The following IGSF5 variants were observed in gnomAD, a reference collection of about 807,000 sequenced individuals.
IGSF5 encodes immunoglobulin superfamily 5 like.
In IGSF5, 41 loss-of-function variants were observed where a neutral mutation model predicts 39.4. The observed-to-expected ratio is 1.04, with a 90% CI of 0.81 to 1.35. The LOEUF (loss-of-function observed/expected upper bound fraction) is 1.35, where lower values mean the gene tolerates loss of function less well. Ranked by LOEUF, IGSF5 falls within the 40% of genes most tolerant of loss-of-function variation. IGSF5 has a pLI of 0.00. For synonymous variants in IGSF5, 183 were observed against 175.3 expected (o/e 1.04, Z -0.34); for missense variants, 487 against 494.6 (o/e 0.98, Z 0.15).
chr21:39,725,761 A>G, the IGSF5 span: 2 of 152,228 alleles, frequency 1.3e-5, no homozygotes, highest in African/African-American at 4.8e-5. Context: ...CATCATGCTC[A>G]TAATTATACG....
At position 39,770,981 on chromosome 21, in the gene IGSF5, AC is replaced by A; in HGVS notation, c.485del (p.Thr162IlefsTer39). 4 of 1,612,218 alleles carry A rather than the reference AC, an allele frequency of 2.5e-6. No individual in the cohort carries two copies. The highest frequency in any genetic ancestry group is 3.4e-6 in the Non-Finnish European group (4 of 1,179,122). On this transcript the variant is annotated frameshift_variant, in exon 4 of 9. Coordinates refer to ENST00000380588, the MANE Select transcript of IGSF5 (RefSeq NM_001080444.2). LOFTEE classifies it high-confidence loss of function. ...VVAENEPCEV[T>X]CLPSHWTRLP... is the part of the protein sequence containing the mutation. ...CGCTGAGAATGAACCTTGTGAAGTTACTTGTCTACCCTCACACTGGACCCGG... is the reference window on the plus strand; with the variant it reads ...CGCTGAGAATGAACCTTGTGAAGTTATTGTCTACCCTCACACTGGACCCGG...
chr21:39,756,264 A>G (rs1404961187), intron 2 of IGSF5, among the ~76,000 whole-genome samples: 1 of 152,246 alleles, frequency 6.6e-6, no homozygotes, highest in African/African-American at 2.4e-5. Flanking sequence ...TAAATGCTAA[A>G]TGCAGGTCAT....
intron 6 of IGSF5, chr21:39,791,756 T>C: frequency 2.6e-6 from 1 of 378,198 alleles, no homozygotes. Flanking sequence ...TTCTGAGAGT[T>C]GAGTAACAAC....
the IGSF5 span, among the ~76,000 whole-genome samples, chr21:39,732,043 A>G: frequency 3.9e-5 from 6 of 152,124 alleles, no homozygotes; most frequent in Non-Finnish European, 8.8e-5. Context: ...GGTCCATGTC[A>G]AAGAGAGTAA....
the IGSF5 span, chr21:39,727,778 C>T: frequency 6.6e-6 from 1 of 152,250 alleles, no homozygotes; most frequent in Admixed American, 6.5e-5. Flanking sequence ...GCTGCAGACC[C>T]ATGTGGTGCT....
chr21:39,726,685 A>T, the IGSF5 span, among the ~76,000 whole-genome samples: 3 of 152,202 alleles, frequency 2.0e-5, no homozygotes, highest in African/African-American at 7.2e-5. Flanking sequence ...CTTCAATTGC[A>T]GCTGGAGGTG....
At chr21:39,720,394 A>G in the IGSF5 span, among the ~76,000 whole-genome samples, 1 of 152,186 alleles carries the variant, frequency 6.6e-6, no homozygotes, top group Non-Finnish European at 1.5e-5. Context: ...GCCACAGACC[A>G]GGACCAGTTT....
In IGSF5 at chr21:39,788,174, T is replaced by C. The variant is rs2146292054; in HGVS notation, c.942T>C (p.Arg314=). ...TTTTGTTCTTTTTTGCAGGATTTCG[T>C]ATTCAATTTCAAAAGTAAGTTTGAA... ...CFCCRRKRGF[R]IQFQKKSEKE... Residue 314 remains arginine, a synonymous_variant, in exon 6 of 9, where the codon CGT becomes CGC. Transcript: ENST00000380588. 6.3e-7 allele frequency: 1 copy of C among 1,593,256 alleles called. No homozygotes were observed. The highest frequency in any genetic ancestry group is 8.6e-7 in the Non-Finnish European group (1 of 1,164,900).
At chr21:39,756,610 C>T (rs1385239903) in intron 2 of IGSF5, among the ~76,000 whole-genome samples, 3 of 151,670 alleles carry the variant, frequency 2.0e-5, no homozygotes, top group African/African-American at 7.3e-5. Flanking sequence ...GAGAACCGTC[C>T]GGGTCACTGG....
intron 8 of IGSF5, among the ~76,000 whole-genome samples, chr21:39,800,968 A>C (rs1462672552): frequency 3.9e-5 from 6 of 152,270 alleles, no homozygotes; most frequent in Non-Finnish European, 8.8e-5. Context: ...GTAAAGCAAG[A>C]ACTTCCTTAG....
At chr21:39,741,770 A>T (rs1395322830), upstream of IGSF5, among the ~76,000 whole-genome samples, 1 of 152,154 alleles carries the variant, frequency 6.6e-6, no homozygotes, top group African/African-American at 2.4e-5. Context: ...AGAAAAAGGC[A>T]TCCTTAAGAT....
intron 2 of IGSF5, among the ~76,000 whole-genome samples, chr21:39,753,021 T>G (rs1033996415): frequency 6.6e-6 from 1 of 152,130 alleles, no homozygotes; most frequent in Non-Finnish European, 1.5e-5. Flanking sequence ...CCTATTTATT[T>G]AGTTTTTGCA....
At chr21:39,752,559 T>A (rs1397482421) in intron 2 of IGSF5, among the ~76,000 whole-genome samples, 1 of 152,252 alleles carries the variant, frequency 6.6e-6, no homozygotes, top group East Asian at 1.9e-4. Flanking sequence ...CAGATGGTAG[T>A]TTTACTTTTA....
chr21:39,730,717 T>C, the IGSF5 span: 7 of 152,270 alleles, frequency 4.6e-5, 1 homozygote, highest in South Asian at 1.5e-3. Flanking sequence ...CCAGTAAAAA[T>C]AAAATAGAGT....
At chr21:39,752,376 T>C (rs2080009777) in intron 2 of IGSF5, among the ~76,000 whole-genome samples, 1 of 152,212 alleles carries the variant, frequency 6.6e-6, no homozygotes, top group African/African-American at 2.4e-5. Flanking sequence ...TAGTAGTCCA[T>C]GGTGTATATA....
At chr21:39,732,295 T>G in the IGSF5 span, among the ~76,000 whole-genome samples, 1 of 152,230 alleles carries the variant, frequency 6.6e-6, no homozygotes, top group Admixed American at 6.5e-5. Context: ...TTTCTGCTGC[T>G]CATCCTCATA....
intron 2 of IGSF5, among the ~76,000 whole-genome samples, chr21:39,763,694 C>A (rs1389294275): frequency 6.6e-6 from 1 of 152,164 alleles, no homozygotes; most frequent in Non-Finnish European, 1.5e-5. Context: ...CCACACTCAC[C>A]CTGCTGGGCT....
At position 39,791,982 on chromosome 21, in the gene IGSF5, A is replaced by G. The variant is rs761239791; in HGVS notation, c.957-26A>G. ...GGCAATGTTAATGCCAACAATTAAC[A>G]TGAACATAAAATGGTCTAATTGTAG... On this transcript the variant is annotated intron_variant, in intron 6 of 8. Coordinates refer to ENST00000380588, the MANE Select transcript of IGSF5 (RefSeq NM_001080444.2). 10 of 1,495,520 alleles carry G rather than the reference A, an allele frequency of 6.7e-6. No homozygotes were observed. The African/African-American group carries it at 9.7e-5, about 15-fold the overall frequency. 92.6% of individuals were successfully genotyped at this position (1,495,520 alleles called of 1,614,324 possible).
chr21:39,713,425 A>C, the IGSF5 span, among the ~76,000 whole-genome samples: 2 of 152,292 alleles, frequency 1.3e-5, no homozygotes, highest in South Asian at 4.1e-4. Flanking sequence ...TTTTTCAAAT[A>C]GTGCATATTT....
Sources: gnomAD v4.1 joint callset for allele counts (sites outside exome capture counted in the v4.1 genomes callset) on GRCh38, gnomAD v4.1.1 for gene constraint, MANE v1.5 for transcripts, NCBI Gene and HGNC (gene_info 2026-07-23, HGNC 2026-07-21) for gene names.